Variants in ILDR2 observed in about 807,000 individuals in gnomAD.
ILDR2 encodes the protein immunoglobulin like domain containing receptor 2.
Under a neutral mutation model 66.8 loss-of-function variants are expected in ILDR2, and 25 were observed. The observed-to-expected ratio is 0.37, with a 90% CI of 0.27 to 0.52. The LOEUF (loss-of-function observed/expected upper bound fraction) is 0.52. Ranked by LOEUF, ILDR2 falls within the 20% of genes least tolerant of loss-of-function variation. ILDR2 has a pLI of 0.88. For synonymous variants in ILDR2, 367 were observed against 357.2 expected (o/e 1.03, Z -0.31); for missense variants, 827 against 876.8 (o/e 0.94, Z 0.72).
At chr1:166,943,835 CT>C in intron 3 of ILDR2, 1 of 985,328 alleles carries the variant, frequency 1.0e-6, no homozygotes, top group South Asian at 4.7e-5. Context: ...TTACAAGTCA[CT>C]TTAATGTCTG....
At chr1:166,934,707 C>G (rs773769776) in intron 6 of ILDR2, among the ~76,000 whole-genome samples, 1 of 152,240 alleles carries the variant, frequency 6.6e-6, no homozygotes, top group Non-Finnish European at 1.5e-5. Flanking sequence ...TCTCCCAGCT[C>G]TGGGATTTCA....
intron 3 of ILDR2, among the ~76,000 whole-genome samples, chr1:166,956,510 A>G (rs1044628067): frequency 5.4e-5 from 8 of 147,628 alleles, no homozygotes; most frequent in African/African-American, 2.0e-4. Context: ...ATTCAGGACA[A>G]TGATAAAAGG....
chr1:166,970,732 A>G (rs1056275501), intron 1 of ILDR2, among the ~76,000 whole-genome samples: 3 of 152,188 alleles, frequency 2.0e-5, no homozygotes, highest in African/African-American at 7.2e-5. Flanking sequence ...GAATACTCCT[A>G]TGTCTAAAGT....
chr1:166,925,608 G>A (rs1557933791), intron 7 of ILDR2, among the ~76,000 whole-genome samples: 1 of 152,132 alleles, frequency 6.6e-6, no homozygotes, highest in Non-Finnish European at 1.5e-5. Context: ...AGTTTCTTCT[G>A]GAAAGACCAC....
chr1:166,933,965 G>A (rs1196089389), intron 6 of ILDR2, among the ~76,000 whole-genome samples: 1 of 152,160 alleles, frequency 6.6e-6, no homozygotes, highest in African/African-American at 2.4e-5. Context: ...CAGCTCATTA[G>A]GTGGGCTAGA....
Position 166,914,117 on chromosome 1 carries a change from A to C in ILDR2, c.*5238T>G, listed in dbSNP as rs77419918. 9.9e-5 allele frequency: 3 copies of C among 30,288 alleles called. No homozygotes were observed. Among genetic ancestry groups the C allele is most frequent in the Non-Finnish European group, 2.0e-4 (2 of 10,090 alleles). 1.9% of individuals were successfully genotyped at this position (30,288 alleles called of 1,614,324 possible). A position where few individuals can be genotyped will look rare whatever the true frequency, so the allele number is the denominator to read the frequency against. On this transcript the variant is annotated 3_prime_UTR_variant, in exon 10 of 10. Coordinates refer to ENST00000271417, the MANE Select transcript of ILDR2 (RefSeq NM_199351.3). The stretch of plus-strand genomic sequence containing the variant: ...GGGCCACAGAGCAAGACCCTGTCTC[A>C]AAAAAAAAAAAAAGAAAGAAAAAGA...
chr1:166,923,909 AAAC>A (rs1235537540), intron 7 of ILDR2, among the ~76,000 whole-genome samples: 1 of 152,242 alleles, frequency 6.6e-6, no homozygotes, highest in Non-Finnish European at 1.5e-5. Flanking sequence ...ATATTATCAA[AAAC>A]AACATTTACC....
chr1:166,971,422 G>C (rs1392132867), intron 1 of ILDR2, among the ~76,000 whole-genome samples: 3 of 152,074 alleles, frequency 2.0e-5, no homozygotes, highest in East Asian at 3.9e-4. Flanking sequence ...TCTCATCAAA[G>C]GACCTTTAAC....
At chr1:166,934,807 C>T (rs1660843859) in intron 6 of ILDR2, among the ~76,000 whole-genome samples, 1 of 152,208 alleles carries the variant, frequency 6.6e-6, no homozygotes, top group Admixed American at 6.5e-5. Context: ...GCTCAAATTT[C>T]ACCTCCTCCC....
rs1659429783 is a variant in ILDR2 at position 166,909,769 on chromosome 1, A to ATT, written c.*9585_*9586insAA. 1.5e-5 allele frequency: 1 copy of ATT among 67,132 alleles called. No homozygotes were observed. Among genetic ancestry groups the ATT allele is most frequent in the South Asian group, 5.7e-4 (1 of 1,766 alleles). 4.2% of individuals were successfully genotyped at this position (67,132 alleles called of 1,614,324 possible). ...TATATATATATATATAAATATATAT[A>ATT]AATATATATATTTATATATATATAT... On this transcript the variant is annotated 3_prime_UTR_variant, in exon 10 of 10. Transcript: ENST00000271417.
At chr1:166,953,426 C>T (rs1662103525) in intron 3 of ILDR2, among the ~76,000 whole-genome samples, 1 of 152,148 alleles carries the variant, frequency 6.6e-6, no homozygotes, top group Admixed American at 6.6e-5. Context: ...CTTAACTTTG[C>T]CTCTAATTTA....
rs759973505 is a variant in ILDR2, at chr1:166,908,429, T to C, written c.*10926A>G. 1 of 152,216 alleles carries C rather than the reference T, an allele frequency of 6.6e-6. No homozygotes were observed. The highest frequency in any genetic ancestry group is 1.5e-5 in the Non-Finnish European group (1 of 68,052). The allele number at this position is 152,216 out of a possible 1,614,324, so 9.4% of individuals were successfully genotyped here. A position where few individuals can be genotyped will look rare whatever the true frequency, so the allele number is the denominator to read the frequency against. ...ACCTAATCACCTCCCAAAGGCCTCA[T>C]GCCCAAATACCATCACATTAGGATT... On this transcript the variant is annotated 3_prime_UTR_variant, in exon 10 of 10. Transcript: ENST00000271417.
chr1:166,958,122 G>A (rs373716521), intron 1 of ILDR2, 21 bp from the exon 2 acceptor site: 4 of 1,583,718 alleles, frequency 2.5e-6, no homozygotes, highest in Non-Finnish European at 3.5e-6. Flanking sequence ...GAATAAACAT[G>A]TCCGAACAGT....
Position 166,911,126 on chromosome 1 carries a change from C to G in ILDR2, c.*8229G>C, listed in dbSNP as rs1283465225. On this transcript the variant is annotated 3_prime_UTR_variant, in exon 10 of 10. Coordinates refer to ENST00000271417, the MANE Select transcript of ILDR2 (RefSeq NM_199351.3). Reference sequence around the variant, plus strand: ...TTGGCCACTCTTAACAATTAACAGCCTTCTGTTCACTCTTAAACCCTAAAA... The same window carrying G: ...TTGGCCACTCTTAACAATTAACAGCGTTCTGTTCACTCTTAAACCCTAAAA... The G allele has an allele frequency of 1.3e-5, 2 of 152,176 alleles. No homozygotes were observed. Among genetic ancestry groups the G allele is most frequent in the African/African-American group, 4.8e-5 (2 of 41,418 alleles). The allele number at this position is 152,176 out of a possible 1,614,324, so 9.4% of individuals were successfully genotyped here.
chr1:166,903,332 T>C (rs577667862), downstream of ILDR2, among the ~76,000 whole-genome samples: 52 of 152,226 alleles, frequency 3.4e-4, no homozygotes, highest in Non-Finnish European at 5.0e-4. Context: ...ATGAGGTCAT[T>C]TGGGAGCCAG....
chr1:166,922,496 A>G, intron 8 of ILDR2, 97 bp downstream of exon 8: 1 of 857,772 alleles, frequency 1.2e-6, no homozygotes, highest in Non-Finnish European at 2.0e-6. Context: ...TGGGAGACAG[A>G]GATGCTACTG....
downstream of ILDR2, among the ~76,000 whole-genome samples, chr1:166,907,806 A>T (rs1439582114): frequency 6.6e-6 from 1 of 152,218 alleles, no homozygotes; most frequent in Non-Finnish European, 1.5e-5. Flanking sequence ...AAAGGCTACA[A>T]ATTAAATGGG....
chr1:166,921,408 G>C lies in ILDR2; in HGVS notation c.1212-29C>G. On this transcript the variant is annotated intron_variant, in intron 8 of 9. Coordinates refer to ENST00000271417, the MANE Select transcript of ILDR2 (RefSeq NM_199351.3). The surrounding 1 kb of genome is among the most constrained non-coding windows in gnomAD (Gnocchi z 5.3). ...CGGGCAGAGAAGGAGGGGGTCAGAC[G>C]GCCGGTCCCTCCCTGGAGCTCCAGG... 3 of 1,515,284 alleles carry C rather than the reference G, an allele frequency of 2.0e-6. No individual in the cohort carries two copies. The highest frequency in any genetic ancestry group is 2.7e-6 in the Non-Finnish European group (3 of 1,127,906). The allele number at this position is 1,515,284 out of a possible 1,614,324, so 93.9% of individuals were successfully genotyped here. A position where few individuals can be genotyped will look rare whatever the true frequency, so the allele number is the denominator to read the frequency against.
At chr1:166,904,422 G>A (rs1261518459), downstream of ILDR2, among the ~76,000 whole-genome samples, 1 of 151,906 alleles carries the variant, frequency 6.6e-6, no homozygotes, top group Admixed American at 6.6e-5. Flanking sequence ...TGACACTCAA[G>A]GTTCCACACT....
Sources: allele counts gnomAD v4.1 joint callset (sites outside exome capture counted in the v4.1 genomes callset), GRCh38; gene constraint gnomAD v4.1.1; non-coding constraint Gnocchi (gnomAD v3.1); transcripts MANE v1.5; gene names NCBI Gene and HGNC (gene_info 2026-07-23, HGNC 2026-07-21).